DIS3L2: variants seen among roughly 807,000 people sequenced by gnomAD.
DIS3L2 encodes DIS3 like 3'-5' exoribonuclease 2.
DIS3L2 carries 34 observed loss-of-function variants against 97.5 expected under a neutral mutation model. The observed-to-expected ratio is 0.35, with a 90% confidence interval of 0.27 to 0.46. The LOEUF is 0.46. Ranked by LOEUF, DIS3L2 falls within the 20% of genes least tolerant of loss-of-function variation. DIS3L2 has a pLI of 1.00. For missense variants in DIS3L2, 1,038 were observed against 1,146.0 expected, an observed-to-expected ratio of 0.91 and a Z score of 1.36; for synonymous variants, 435 against 445.2, an observed-to-expected ratio of 0.98 and a Z score of 0.29.
intron 6 of DIS3L2, among the ~76,000 whole-genome samples, chr2:232,112,282 A>G (rs1697560097): frequency 6.6e-6 from 1 of 152,356 alleles, no homozygotes; most frequent in East Asian, 1.9e-4. Context: ...GCTGGAGGCC[A>G]TTATCCTTCA....
intron 6 of DIS3L2, among the ~76,000 whole-genome samples, chr2:232,121,730 C>G (rs1005181250): frequency 1.3e-5 from 2 of 152,020 alleles, no homozygotes; most frequent in African/African-American, 4.8e-5. Flanking sequence ...ATGGACGGTG[C>G]CTTTTATTTT....
intron 16 of DIS3L2, 27 bp from the exon 17 acceptor site, chr2:232,333,813 C>T (rs1695845294): frequency 1.9e-6 from 3 of 1,589,814 alleles, no homozygotes; most frequent in African/African-American, 2.7e-5. Context: ...CTGGGCTTGT[C>T]AGGCTCTGAC....
At position 232,329,966 on chromosome 2, in the gene DIS3L2, CG is replaced by C; in HGVS notation, c.1894del (p.Val632TrpfsTer13). 4 of 1,612,464 alleles carry C rather than the reference CG, an allele frequency of 2.5e-6. No individual in the cohort carries two copies. The highest frequency in any genetic ancestry group is 3.4e-6 in the Non-Finnish European group (4 of 1,179,450). ...AATTCTGCGACCAGATGGGGCTGCCCGTGGACTTCAGCTCCGCAGGAGCCCT... is the reference window on the plus strand; with the variant it reads ...AATTCTGCGACCAGATGGGGCTGCCCTGGACTTCAGCTCCGCAGGAGCCCT... ...VEFCDQMGLP[V>X]DFSSAGALNK... is the part of the protein sequence containing the mutation. On this transcript the variant is annotated frameshift_variant, in exon 15 of 21. Transcript: ENST00000325385. LOFTEE classifies it high-confidence loss of function.
intron 14 of DIS3L2, among the ~76,000 whole-genome samples, chr2:232,304,655 A>C (rs569921427): frequency 6.6e-6 from 1 of 152,174 alleles, no homozygotes; most frequent in South Asian, 2.1e-4. Flanking sequence ...TTTGCAAGCT[A>C]TTCTTCCTGC....
At chr2:232,023,297 A>T (rs1245112152) in intron 3 of DIS3L2, among the ~76,000 whole-genome samples, 1 of 152,218 alleles carries the variant, frequency 6.6e-6, no homozygotes, top group South Asian at 2.1e-4. Context: ...TTGAGTGTTC[A>T]TGATATTGTA....
chr2:232,340,933 G>A (rs564980261), downstream of DIS3L2: 22 of 470,810 alleles, frequency 4.7e-5, no homozygotes, highest in African/African-American at 2.8e-4. Flanking sequence ...GACCATAGAG[G>A]AAAAAGAAAG....
At chr2:232,249,386 T>C (rs1438969588) in intron 12 of DIS3L2, 40 bp downstream of exon 12, 4 of 1,593,308 alleles carry the variant, frequency 2.5e-6, no homozygotes, top group Admixed American at 3.4e-5. Context: ...TTACCTCTTT[T>C]CTGTTCCATG....
intron 13 of DIS3L2, among the ~76,000 whole-genome samples, chr2:232,264,822 T>C (rs562847123): frequency 6.6e-6 from 1 of 152,322 alleles, no homozygotes; most frequent in African/African-American, 2.4e-5. Flanking sequence ...GAGAAGTGGC[T>C]GCCATTGGGA....
chr2:232,070,846 G>C (rs921854617), intron 5 of DIS3L2, among the ~76,000 whole-genome samples: 2 of 152,140 alleles, frequency 1.3e-5, no homozygotes, highest in Admixed American at 1.3e-4. Context: ...GCCTCCCAAA[G>C]TGTGGAATTA....
rs528716281 is a variant in DIS3L2, at chr2:232,060,914, A to G, written c.367-26573A>G. 1.3e-4 allele frequency among the ~76,000 whole-genome samples: 20 copies of G among 152,176 alleles called. No homozygotes were observed. The South Asian group carries it at 4.0e-3, about 30-fold the overall frequency. ...TTTCAAGGTATTTAATTTTATTTGT[A>G]GCTATTATAAATGTAATTACTTTCT... On this transcript the variant is annotated intron_variant, in intron 5 of 20. Coordinates refer to ENST00000325385, the MANE Select transcript of DIS3L2 (RefSeq NM_152383.5).
chr2:232,083,521 G>A (rs1199605937), intron 5 of DIS3L2, among the ~76,000 whole-genome samples: 2 of 146,768 alleles, frequency 1.4e-5, no homozygotes, highest in African/African-American at 5.1e-5. Flanking sequence ...TTGAGACAGA[G>A]TCTCACTCTG....
intron 11 of DIS3L2, among the ~76,000 whole-genome samples, chr2:232,244,065 G>A (rs1057183347): frequency 1.3e-5 from 2 of 152,204 alleles, no homozygotes; most frequent in African/African-American, 4.8e-5. Flanking sequence ...CAGAAGTCTG[G>A]AGAATAAACA....
chr2:232,048,936 T>C (rs1695323564), intron 5 of DIS3L2, among the ~76,000 whole-genome samples: 1 of 152,204 alleles, frequency 6.6e-6, no homozygotes, highest in Admixed American at 6.5e-5. Flanking sequence ...ACTACAAATA[T>C]ACAAGCATTT....
intron 14 of DIS3L2, among the ~76,000 whole-genome samples, chr2:232,318,104 C>T (rs1695327397): frequency 6.6e-6 from 1 of 152,158 alleles, no homozygotes; most frequent in Admixed American, 6.5e-5. Context: ...AATGGAGAAC[C>T]CACTCCTGCA....
chr2:232,013,265 C>G (rs1290350139), intron 1 of DIS3L2, among the ~76,000 whole-genome samples: 4 of 152,168 alleles, frequency 2.6e-5, no homozygotes, highest in African/African-American at 4.8e-5. Context: ...ACTCTGAGTC[C>G]TGTACCAGGT....
chr2:232,334,787 G>T, intron 19 of DIS3L2, 52 bp downstream of exon 19: 8 of 1,496,998 alleles, frequency 5.3e-6, no homozygotes, highest in Non-Finnish European at 7.3e-6. Flanking sequence ...AAGCCATCCC[G>T]CACTGGAGGG....
At chr2:232,282,106 C>G (rs1694304413) in intron 13 of DIS3L2, among the ~76,000 whole-genome samples, 2 of 145,328 alleles carry the variant, frequency 1.4e-5, no homozygotes, top group African/African-American at 5.1e-5. Flanking sequence ...TCACCTCCTA[C>G]TCTCTGTCTT....
At position 232,281,267 on chromosome 2, in the gene DIS3L2, C is replaced by T. The variant is rs946121891; in HGVS notation, c.1659+17827C>T. 7.9e-5 allele frequency among the ~76,000 whole-genome samples: 12 copies of T among 152,078 alleles called. No homozygotes were observed. The highest frequency in any genetic ancestry group is 2.6e-4 in the Admixed American group (4 of 15,264). On this transcript the variant is annotated intron_variant, in intron 13 of 20. Coordinates refer to ENST00000325385, the MANE Select transcript of DIS3L2 (RefSeq NM_152383.5). The surrounding 1 kb of genome is among the most constrained non-coding windows in gnomAD (Gnocchi z 4.1). The stretch of plus-strand genomic sequence containing the variant: ...ACAAAAAATTAGCCGGGCGTGGTGG[C>T]GGGCGCCTGTGGTCCCAGCTATTTG...
chr2:232,127,731 A>G (rs1405433609), intron 6 of DIS3L2, among the ~76,000 whole-genome samples: 1 of 152,130 alleles, frequency 6.6e-6, no homozygotes, highest in Non-Finnish European at 1.5e-5. Context: ...TGCTCCAGCC[A>G]TGCCTCATGG....
Sources: gnomAD v4.1 joint callset for allele counts (sites outside exome capture counted in the v4.1 genomes callset) on GRCh38, gnomAD v4.1.1 for gene constraint, Gnocchi (gnomAD v3.1) non-coding constraint, MANE v1.5 for transcripts, NCBI Gene and HGNC (gene_info 2026-07-23, HGNC 2026-07-21) for gene names.